YWHAE: variants seen among roughly 807,000 people sequenced by gnomAD.
The protein encoded by YWHAE is 14-3-3 protein epsilon.
A neutral mutation model predicts 30.1 loss-of-function variants in YWHAE; 4 were observed. The observed-to-expected ratio is 0.13, with a 90% CI of 0.07 to 0.30. The LOEUF is 0.30. Among genes scored for constraint, YWHAE ranks in the 10% least tolerant of loss-of-function variants. The probability of loss-of-function intolerance (pLI) is 1.00; values close to 1 mark genes in which losing one functional copy is unlikely to be tolerated. For missense variants in YWHAE, 121 were observed against 315.9 expected, an observed-to-expected ratio of 0.38 and a Z score of 4.68; for synonymous variants, 118 against 111.8, an observed-to-expected ratio of 1.06 and a Z score of -0.35.
At chr17:1,388,871 G>A (rs1055350824) in intron 1 of YWHAE, among the ~76,000 whole-genome samples, 2 of 152,046 alleles carry the variant, frequency 1.3e-5, no homozygotes, top group East Asian at 1.9e-4. Context: ...GTCAAATAAC[G>A]TTCTTGAAAA....
At chr17:1,373,481 C>T (rs929416183) in intron 1 of YWHAE, among the ~76,000 whole-genome samples, 2 of 151,314 alleles carry the variant, frequency 1.3e-5, no homozygotes, top group South Asian at 2.1e-4. Context: ...CTGGCTAACA[C>T]GGTGAAACCC....
At chr17:1,355,156 T>C (rs1462680232) in intron 4 of YWHAE, among the ~76,000 whole-genome samples, 5 of 24,954 alleles carry the variant, frequency 2.0e-4, no homozygotes, top group Admixed American at 2.0e-3. Context: ...AAATTTTTTT[T>C]TTTTTTTTTT....
intron 5 of YWHAE, among the ~76,000 whole-genome samples, chr17:1,349,004 T>A (rs1403306867): frequency 6.9e-6 from 1 of 144,250 alleles, no homozygotes; most frequent in African/African-American, 2.6e-5. Flanking sequence ...CCAGCCTGGG[T>A]GACAAAGCAA....
chr17:1,384,505 C>T (rs1371169499), intron 1 of YWHAE, among the ~76,000 whole-genome samples: 1 of 146,484 alleles, frequency 6.8e-6, no homozygotes, highest in East Asian at 2.1e-4. Context: ...TCCTGGCTAA[C>T]ACGGTGAAAC....
intron 1 of YWHAE, among the ~76,000 whole-genome samples, chr17:1,394,445 A>AAAAAAAAAAAAAAAAAAAAAAC (rs1567987797): frequency 1.1e-4 from 15 of 142,578 alleles, no homozygotes; most frequent in African/African-American, 4.4e-4. Flanking sequence ...ACAAAAAAAA[A>AAAAAAAAAAAAAAAAAAAAAAC]AAAAAAAAAA....
intron 1 of YWHAE, among the ~76,000 whole-genome samples, chr17:1,366,760 T>G (rs537747178): frequency 6.6e-6 from 1 of 151,984 alleles, no homozygotes; most frequent in East Asian, 1.9e-4. Context: ...CTGGCCAACA[T>G]GGTGAAACCC....
At position 1,373,599 on chromosome 17, in the gene YWHAE, C is replaced by T. The variant is rs1163481305; in HGVS notation, c.65-8541G>A. On this transcript the variant is annotated intron_variant, in intron 1 of 5. Coordinates refer to ENST00000264335, the MANE Select transcript of YWHAE (RefSeq NM_006761.5). ...AGGAGAATTGCGTGAACCCGGGAGG[C>T]GGAGCTTGTAGTGAGTAGAGATCGT... Among the ~76,000 whole-genome samples the T allele has an allele frequency of 5.3e-5, 8 of 151,540 alleles. No homozygotes were observed. The South Asian group carries it at 6.3e-4, about 12-fold the overall frequency.
At chr17:1,371,194 A>G (rs948757114) in intron 1 of YWHAE, among the ~76,000 whole-genome samples, 23 of 151,826 alleles carry the variant, frequency 1.5e-4, no homozygotes, top group Non-Finnish European at 2.9e-4. Context: ...GCGATCCTCC[A>G]ACCTCAGCCT....
intron 5 of YWHAE, among the ~76,000 whole-genome samples, chr17:1,352,645 C>A (rs1304416018): frequency 6.6e-6 from 1 of 152,082 alleles, no homozygotes; most frequent in Admixed American, 6.6e-5. Flanking sequence ...CCGGCCTCAG[C>A]CTCCTGAGTA....
At chr17:1,374,354 A>C (rs1312607859) in intron 1 of YWHAE, among the ~76,000 whole-genome samples, 2 of 152,064 alleles carry the variant, frequency 1.3e-5, no homozygotes, top group Non-Finnish European at 2.9e-5. Flanking sequence ...TAGTTAATGA[A>C]CATTTGGGTT....
chr17:1,387,323 A>G (rs1459567385), intron 1 of YWHAE, among the ~76,000 whole-genome samples: 1 of 152,240 alleles, frequency 6.6e-6, no homozygotes, highest in Non-Finnish European at 1.5e-5. Flanking sequence ...AAACAGGTGA[A>G]GCTCCAGTGA....
chr17:1,379,804 TAAGCA>T (rs1380585293), intron 1 of YWHAE, among the ~76,000 whole-genome samples: 1 of 152,216 alleles, frequency 6.6e-6, no homozygotes, highest in Non-Finnish European at 1.5e-5. Context: ...TGTTTTAATT[TAAGCA>T]AAGATTTAAA....
chr17:1,364,988 T>A lies in YWHAE; in HGVS notation c.135A>T (p.Leu45=). ...VELTVEERNL[L]SVAYKNVIGA... is the part of the protein sequence containing the mutation. ...CAATCACATTCTTATATGCAACAGATAGGAGGTTTCTTTCTTCAACTGTCA... is the reference window on the plus strand; with the variant it reads ...CAATCACATTCTTATATGCAACAGAAAGGAGGTTTCTTTCTTCAACTGTCA... Residue 45 remains leucine, a synonymous_variant, in exon 2 of 6, where the codon CTA becomes CTT. Transcript: ENST00000264335. 3.1e-6 allele frequency: 5 copies of A among 1,614,150 alleles called. No individual in the cohort carries two copies. Among genetic ancestry groups the A allele is most frequent in the Non-Finnish European group, 4.2e-6 (5 of 1,180,016 alleles).
intron 1 of YWHAE, among the ~76,000 whole-genome samples, chr17:1,396,534 G>A (rs1307193081): frequency 2.6e-5 from 4 of 152,174 alleles, no homozygotes; most frequent in Non-Finnish European, 4.4e-5. Flanking sequence ...AATCTTGATA[G>A]GGAAGAGACT....
chr17:1,389,322 C>T (rs1407850547), intron 1 of YWHAE, among the ~76,000 whole-genome samples: 1 of 152,192 alleles, frequency 6.6e-6, no homozygotes, highest in Non-Finnish European at 1.5e-5. Context: ...ACAACAACCA[C>T]TCCAAGGTCC....
intron 5 of YWHAE, among the ~76,000 whole-genome samples, chr17:1,351,677 G>C (rs2072636133): frequency 6.6e-6 from 1 of 152,100 alleles, no homozygotes; most frequent in Admixed American, 6.6e-5. Context: ...AGTCATCCAG[G>C]TTAGAATACA....
chr17:1,371,797 T>C (rs919958647), intron 1 of YWHAE, among the ~76,000 whole-genome samples: 1 of 152,108 alleles, frequency 6.6e-6, no homozygotes, highest in Admixed American at 6.6e-5. Flanking sequence ...TCTGGATAAT[T>C]TGCTGCAGCA....
intron 1 of YWHAE, among the ~76,000 whole-genome samples, chr17:1,395,799 C>T (rs1429088864): frequency 1.3e-5 from 2 of 152,186 alleles, no homozygotes; most frequent in East Asian, 3.9e-4. Flanking sequence ...AATAAGCTAG[C>T]TAGAGATGAG....
intron 5 of YWHAE, among the ~76,000 whole-genome samples, chr17:1,348,713 G>A (rs1388058435): frequency 2.6e-5 from 4 of 152,160 alleles, no homozygotes; most frequent in African/African-American, 9.7e-5. Context: ...CACCATTGCA[G>A]TTTCAAAACC....
Sources: gnomAD v4.1 joint callset for allele counts (sites outside exome capture counted in the v4.1 genomes callset) on GRCh38, gnomAD v4.1.1 for gene constraint, MANE v1.5 for transcripts, NCBI Gene and HGNC (gene_info 2026-07-23, HGNC 2026-07-21) for gene names.